PCDHGA9: variants seen among roughly 807,000 people sequenced by gnomAD.
PCDHGA9 encodes the protein protocadherin gamma subfamily A, 9.
PCDHGA9 carries 37 observed loss-of-function variants against 62.5 expected under a neutral mutation model. The ratio of observed to expected loss-of-function variants is 0.59; its 90% CI spans 0.46 to 0.78. PCDHGA9 has a LOEUF of 0.78. Ranked by LOEUF, PCDHGA9 falls within the 30% of genes least tolerant of loss-of-function variation. The pLI, the probability that PCDHGA9 is intolerant of heterozygous loss-of-function variation, is 0.00. For synonymous variants in PCDHGA9, 459 were observed against 484.6 expected (o/e 0.95, Z 0.69); for missense variants, 1,138 against 1,166.2 (o/e 0.98, Z 0.35).
Position 141,409,903 on chromosome 5 carries a change from G to C in PCDHGA9, c.2424+4527G>C, listed in dbSNP as rs570063514. 6.2e-6 allele frequency: 10 copies of C among 1,613,268 alleles called. No individual in the cohort carries two copies. The South Asian group carries it at 9.9e-5, about 16-fold the overall frequency. ...CACCGCGGGTGCTGTACCCAGCTCTGGGTCCTGACGGCTCCGCGTTCTTCG... is the reference window on the plus strand; with the variant it reads ...CACCGCGGGTGCTGTACCCAGCTCTCGGTCCTGACGGCTCCGCGTTCTTCG... On this transcript the variant is annotated intron_variant, in intron 1 of 3. Coordinates refer to ENST00000573521, the MANE Select transcript of PCDHGA9 (RefSeq NM_018921.3).
chr5:141,480,533 G>A (rs2099521308), intron 1 of PCDHGA9, among the ~76,000 whole-genome samples: 1 of 127,758 alleles, frequency 7.8e-6, no homozygotes, highest in African/African-American at 3.6e-5. Flanking sequence ...CAAAGTAGAA[G>A]CACATATGAA....
rs1182256144 is a variant in PCDHGA9, at chr5:141,404,304, C to T, written c.1352C>T (p.Ala451Val). Residue 451 changes from alanine to valine, a missense_variant, in exon 1 of 4, where the codon GCT becomes GTT. Coordinates refer to ENST00000573521, the MANE Select transcript of PCDHGA9 (RefSeq NM_018921.3). ...QVTDINDNPPAFSQASYSVYL... is the reference protein window; with the variant it reads ...QVTDINDNPPVFSQASYSVYL... The stretch of plus-strand genomic sequence containing the variant: ...ACTGACATCAATGATAATCCACCTG[C>T]TTTCTCTCAAGCCTCCTACTCAGTC... The T allele has an allele frequency of 1.2e-6, 2 of 1,613,858 alleles. No homozygotes were observed. Among genetic ancestry groups the T allele is most frequent in the African/African-American group, 2.7e-5 (2 of 74,930 alleles).
intron 1 of PCDHGA9, among the ~76,000 whole-genome samples, chr5:141,438,833 T>C (rs989612425): frequency 6.6e-6 from 1 of 150,476 alleles, no homozygotes; most frequent in Non-Finnish European, 1.5e-5. Context: ...AGCTAATTTT[T>C]TAAAATATTT....
Position 141,489,533 on chromosome 5 carries a change from C to G in PCDHGA9, c.2425-5274C>G, listed in dbSNP as rs754586925. The G allele has an allele frequency of 6.2e-7, 1 of 1,614,086 alleles. No individual in the cohort carries two copies. The highest frequency in any genetic ancestry group is 1.7e-5 in the Admixed American group (1 of 60,030). ...ATTGACCGAGAAAGCCTATGTGGAG[C>G]CAGCACCAGCTGCCTGCTGCCAGTG... On this transcript the variant is annotated intron_variant, in intron 1 of 3. Coordinates refer to ENST00000573521, the MANE Select transcript of PCDHGA9 (RefSeq NM_018921.3). The surrounding 1 kb of genome is among the most constrained non-coding windows in gnomAD (Gnocchi z 4.5).
At chr5:141,408,974 G>T (rs899313364) in intron 1 of PCDHGA9, 1 of 1,613,690 alleles carries the variant, frequency 6.2e-7, no homozygotes, top group South Asian at 1.1e-5. Flanking sequence ...TCTGCCCCCT[G>T]GGTCCCCTGT....
chr5:141,465,413 G>A (rs996581829), intron 1 of PCDHGA9, among the ~76,000 whole-genome samples: 1 of 152,174 alleles, frequency 6.6e-6, no homozygotes, highest in Non-Finnish European at 1.5e-5. Context: ...AGCCAAATCA[G>A]CACTGAAAGG....
In PCDHGA9 at chr5:141,491,942, C is replaced by A; in HGVS notation, c.2425-2865C>A. The A allele has an allele frequency of 8.9e-7, 1 of 1,122,490 alleles. No individual in the cohort carries two copies. The highest frequency in any genetic ancestry group is 1.2e-6 in the Non-Finnish European group (1 of 824,374). 69.5% of individuals were successfully genotyped at this position (1,122,490 alleles called of 1,614,324 possible). The stretch of plus-strand genomic sequence containing the variant: ...GGCGAGGGGAGGTGGGACCGACCCC[C>A]ACCCCTACACTCAAAAAAGGCCGGG... On this transcript the variant is annotated intron_variant, in intron 1 of 3. Transcript: ENST00000573521. The surrounding 1 kb of genome is among the most constrained non-coding windows in gnomAD (Gnocchi z 6.9).
intron 1 of PCDHGA9, among the ~76,000 whole-genome samples, chr5:141,429,387 T>TA (rs11410533): frequency 0.01 from 1,566 of 151,436 alleles, 8 homozygotes; most frequent in Middle Eastern, 0.031. Flanking sequence ...GTTTTTTTTT[T>TA]AAAAAAAATT....
In PCDHGA9 at chr5:141,487,241, A is replaced by G. The variant is rs753291480; in HGVS notation, c.2425-7566A>G. ...TCCAAGGGAAGGAGAATCTCGTCTA[A>G]CCCTCTACTTGGCTGTGTCCCTAGT... On this transcript the variant is annotated intron_variant, in intron 1 of 3. Transcript: ENST00000573521. The surrounding 1 kb of genome is among the most constrained non-coding windows in gnomAD (Gnocchi z 5.0). 2 of 1,613,876 alleles carry G rather than the reference A, an allele frequency of 1.2e-6. No homozygotes were observed. The highest frequency in any genetic ancestry group is 3.3e-5 in the Admixed American group (2 of 59,988).
intron 1 of PCDHGA9, chr5:141,421,164 A>G (rs1304650780): frequency 1.6e-6 from 2 of 1,286,298 alleles, no homozygotes; most frequent in African/African-American, 1.5e-5. Flanking sequence ...GACTTCATAG[A>G]TACATAAGCC....
chr5:141,405,419 T>C, intron 1 of PCDHGA9, 43 bp downstream of exon 1: 7 of 1,509,010 alleles, frequency 4.6e-6, no homozygotes, highest in Non-Finnish European at 5.4e-6. Flanking sequence ...TTTTTTGTTT[T>C]TTGTTTTGTT....
chr5:141,483,811 C>A (rs1252197546), intron 1 of PCDHGA9, among the ~76,000 whole-genome samples: 1 of 152,102 alleles, frequency 6.6e-6, no homozygotes, highest in Non-Finnish European at 1.5e-5. Flanking sequence ...CTTTTTTTGG[C>A]AGCCAGTGTA....
intron 1 of PCDHGA9, among the ~76,000 whole-genome samples, chr5:141,450,685 C>T (rs542985781): frequency 6.6e-6 from 1 of 152,020 alleles, no homozygotes; most frequent in South Asian, 2.1e-4. Context: ...CGGGGTTTTG[C>T]CATGTTGCCC....
chr5:141,468,374 C>T (rs1340499708), intron 1 of PCDHGA9: 2 of 150,736 alleles, frequency 1.3e-5, no homozygotes, highest in Non-Finnish European at 3.0e-5. Context: ...ATAACTCAGC[C>T]ATACAAGGCT....
Position 141,432,028 on chromosome 5 carries a change from C to T in PCDHGA9, c.2424+26652C>T, listed in dbSNP as rs776543767. ...TTCCTAGCTACAACATCACAGTGAC[C>T]GCCACTGACCGGGGAACCCCGCCCC... On this transcript the variant is annotated intron_variant, in intron 1 of 3. Coordinates refer to ENST00000573521, the MANE Select transcript of PCDHGA9 (RefSeq NM_018921.3). The surrounding 1 kb of genome is among the most constrained non-coding windows in gnomAD (Gnocchi z 6.0). The T allele has an allele frequency of 1.1e-5, 18 of 1,614,050 alleles. No individual in the cohort carries two copies. The highest frequency in any genetic ancestry group is 9.9e-5 in the South Asian group (9 of 91,090).
In PCDHGA9 at chr5:141,432,986, G is replaced by A. The variant is rs2097557714; in HGVS notation, c.2424+27610G>A. ...AGCGCCGGCGTCGCACTTTGTGGGC[G>A]TGGACGGGGTGCAGGCTTTCCTGCA... On this transcript the variant is annotated intron_variant, in intron 1 of 3. Transcript: ENST00000573521. This position sits in a 1 kb window ranked among gnomAD's most constrained non-coding sequence, Gnocchi z 6.0. 6 of 1,614,258 alleles carry A rather than the reference G, an allele frequency of 3.7e-6. No individual in the cohort carries two copies. In the Middle Eastern group the frequency reaches 4.9e-4, roughly 133 times the overall value.
chr5:141,433,939 A>T (rs1015984226), intron 1 of PCDHGA9, among the ~76,000 whole-genome samples: 2 of 151,714 alleles, frequency 1.3e-5, no homozygotes, highest in Non-Finnish European at 2.9e-5. Context: ...TTATAATTCC[A>T]TTGTTTCTTC....
intron 1 of PCDHGA9, among the ~76,000 whole-genome samples, chr5:141,465,091 G>A (rs1689517062): frequency 6.7e-6 from 1 of 149,016 alleles, no homozygotes; most frequent in Non-Finnish European, 1.5e-5. Context: ...CATTTTTCTA[G>A]TAGTTTTTTT....
Position 141,486,266 on chromosome 5 carries a change from C to G in PCDHGA9, c.2425-8541C>G, listed in dbSNP as rs1311684194. On this transcript the variant is annotated intron_variant, in intron 1 of 3. Transcript: ENST00000573521. The surrounding 1 kb of genome is among the most constrained non-coding windows in gnomAD (Gnocchi z 5.0). Reference sequence around the variant, plus strand: ...TGGAACCCTCCCCGAGAGTGCAGAACCTGGCACTGTGGTGGCACTTATCAG... The same window carrying G: ...TGGAACCCTCCCCGAGAGTGCAGAAGCTGGCACTGTGGTGGCACTTATCAG... 1 of 1,614,098 alleles carries G rather than the reference C, an allele frequency of 6.2e-7. No individual in the cohort carries two copies.
Sources: allele counts gnomAD v4.1 joint callset (sites outside exome capture counted in the v4.1 genomes callset), GRCh38; gene constraint gnomAD v4.1.1; non-coding constraint Gnocchi (gnomAD v3.1); transcripts MANE v1.5; gene names NCBI Gene and HGNC (gene_info 2026-07-23, HGNC 2026-07-21).